Variants in TBC1D15 observed in about 807,000 individuals in gnomAD.
TBC1D15 encodes the protein TBC1 domain family member 15, also known as GAP for RAB7.
A neutral mutation model predicts 95.4 loss-of-function variants in TBC1D15; 39 were observed. The ratio of observed to expected loss-of-function variants is 0.41; its 90% CI spans 0.32 to 0.53. The LOEUF (loss-of-function observed/expected upper bound fraction) is 0.53. TBC1D15 is among the 20% of genes least tolerant of loss of function. TBC1D15 has a pLI of 0.29. For synonymous variants in TBC1D15, 258 were observed against 261.3 expected (o/e 0.99, Z 0.12); for missense variants, 733 against 794.3 (o/e 0.92, Z 0.93).
chr12:71,891,721 G>GAA (rs563399494), intron 5 of TBC1D15, among the ~76,000 whole-genome samples: 274 of 152,208 alleles, frequency 1.8e-3, no homozygotes, highest in Admixed American at 6.0e-3. Context: ...GAAAAGAAAA[G>GAA]AAGGAATTTC....
At chr12:71,876,450 AT>A (rs1277546983) in intron 3 of TBC1D15, among the ~76,000 whole-genome samples, 5 of 152,096 alleles carry the variant, frequency 3.3e-5, no homozygotes, top group African/African-American at 1.2e-4. Context: ...TTGTCTTCTA[AT>A]TTCATTTTCT....
intron 5 of TBC1D15, 84 bp from the exon 6 acceptor site, chr12:71,893,138 A>C: frequency 1.7e-6 from 1 of 583,216 alleles, no homozygotes; most frequent in Non-Finnish European, 2.4e-6. Context: ...TTTTTTTGGT[A>C]AGGAACATTT....
At chr12:71,861,645 A>G in intron 1 of TBC1D15, 1 of 538,384 alleles carries the variant, frequency 1.9e-6, no homozygotes, top group Admixed American at 4.1e-5. Flanking sequence ...TTAACTAATA[A>G]GTCAACTTTG....
At chr12:71,892,518 T>C (rs1897369658) in intron 5 of TBC1D15, among the ~76,000 whole-genome samples, 1 of 151,962 alleles carries the variant, frequency 6.6e-6, no homozygotes, top group African/African-American at 2.4e-5. Flanking sequence ...TGACTAGAAA[T>C]TAGATGTCTG....
chr12:71,911,211 G>A (rs773892147), intron 11 of TBC1D15, among the ~76,000 whole-genome samples: 2 of 152,126 alleles, frequency 1.3e-5, no homozygotes, highest in Non-Finnish European at 2.9e-5. Flanking sequence ...GGAAGTCAGT[G>A]TGGCGATTCC....
At chr12:71,863,853 A>G (rs1316249071) in intron 1 of TBC1D15, among the ~76,000 whole-genome samples, 1 of 151,894 alleles carries the variant, frequency 6.6e-6, no homozygotes, top group Non-Finnish European at 1.5e-5. Flanking sequence ...TCAGCTGCAG[A>G]ATTTCTGCTT....
intron 5 of TBC1D15, among the ~76,000 whole-genome samples, chr12:71,886,972 T>A (rs1205451322): frequency 6.6e-6 from 1 of 152,096 alleles, no homozygotes; most frequent in Admixed American, 6.5e-5. Context: ...TGGTAGCTCC[T>A]CTCTCCTTTT....
At chr12:71,901,382 A>G (rs928509567) in intron 10 of TBC1D15, among the ~76,000 whole-genome samples, 4 of 152,076 alleles carry the variant, frequency 2.6e-5, no homozygotes, top group Non-Finnish European at 1.5e-5. Flanking sequence ...TTAGAGAAGA[A>G]AGTCTGGAAG....
At chr12:71,899,385 G>A (rs561971071) in intron 10 of TBC1D15, among the ~76,000 whole-genome samples, 24 of 152,186 alleles carry the variant, frequency 1.6e-4, no homozygotes, top group Non-Finnish European at 2.6e-4. Context: ...TAGTTTTATA[G>A]TTCAGACTCA....
intron 16 of TBC1D15, 94 bp downstream of exon 16, chr12:71,921,548 T>C: frequency 2.9e-6 from 2 of 696,546 alleles, no homozygotes; most frequent in East Asian, 2.9e-5. Context: ...ATAGCAACTT[T>C]AGTAAGCTGA....
intron 10 of TBC1D15, among the ~76,000 whole-genome samples, chr12:71,899,760 A>G (rs1898939766): frequency 6.6e-6 from 1 of 152,138 alleles, no homozygotes; most frequent in African/African-American, 2.4e-5. Flanking sequence ...GTTAGTGGAA[A>G]GCATAAGTTC....
chr12:71,846,201 G>A (rs1176790199), intron 1 of TBC1D15, among the ~76,000 whole-genome samples: 1 of 152,174 alleles, frequency 6.6e-6, no homozygotes, highest in Non-Finnish European at 1.5e-5. Context: ...TTTGCTAGAG[G>A]AGAAAAACAA....
chr12:71,883,557 A>G (rs770976263), intron 4 of TBC1D15, among the ~76,000 whole-genome samples: 10 of 152,150 alleles, frequency 6.6e-5, no homozygotes, highest in Non-Finnish European at 1.0e-4. Context: ...TGAGTTCAAG[A>G]GATCTTATTA....
intron 5 of TBC1D15, among the ~76,000 whole-genome samples, chr12:71,889,711 T>G (rs1417280405): frequency 6.6e-6 from 1 of 152,184 alleles, no homozygotes; most frequent in African/African-American, 2.4e-5. Flanking sequence ...GTCACGGGGT[T>G]TTGGTGTACA....
intron 4 of TBC1D15, among the ~76,000 whole-genome samples, chr12:71,883,009 A>G (rs1730375011): frequency 6.6e-6 from 1 of 152,164 alleles, no homozygotes; most frequent in African/African-American, 2.4e-5. Context: ...TATAGCATAC[A>G]TATAGTATTT....
intron 11 of TBC1D15, among the ~76,000 whole-genome samples, chr12:71,909,471 C>T (rs1235399083): frequency 2.6e-5 from 4 of 152,072 alleles, no homozygotes; most frequent in South Asian, 2.1e-4. Flanking sequence ...TTAGTGAATG[C>T]GGATACTACA....
At chr12:71,885,940 G>A (rs1019597752) in intron 5 of TBC1D15, among the ~76,000 whole-genome samples, 5 of 152,088 alleles carry the variant, frequency 3.3e-5, no homozygotes, top group South Asian at 2.1e-4. Flanking sequence ...AGGAGGGGAG[G>A]GTGATACAGT....
chr12:71,894,643 T>C, intron 6 of TBC1D15, 43 bp from the exon 7 acceptor site: 1 of 1,544,600 alleles, frequency 6.5e-7, no homozygotes, highest in Non-Finnish European at 8.8e-7. Context: ...CGTTTTTCTT[T>C]ATTTGAGTTA....
In TBC1D15 at chr12:71,894,862, A is replaced by G. The variant is rs1897863651; in HGVS notation, c.834A>G (p.Pro278=). 6.2e-7 allele frequency: 1 copy of G among 1,612,690 alleles called. No homozygotes were observed. Among genetic ancestry groups the G allele is most frequent in the African/African-American group, 1.3e-5 (1 of 74,882 alleles). ...TAAAGATAAATCAACAAGAAGAACCAGGATTTGAAGTCATCACAAGAGTGA... is the reference window on the plus strand; with the variant it reads ...TAAAGATAAATCAACAAGAAGAACCGGGATTTGAAGTCATCACAAGAGTGA... ...PGLKINQQEE[P]GFEVITRIDL... Residue 278 remains proline (P), a synonymous_variant, in exon 7 of 17, where the codon CCA becomes CCG. Transcript: ENST00000485960.
Sources: allele counts gnomAD v4.1 joint callset (sites outside exome capture counted in the v4.1 genomes callset), GRCh38; gene constraint gnomAD v4.1.1; transcripts MANE v1.5; gene names NCBI Gene and HGNC (gene_info 2026-07-23, HGNC 2026-07-21).